MAP3K19: variants seen among roughly 807,000 people sequenced by gnomAD.
The protein encoded by MAP3K19 is SPS1/STE20-related protein kinase YSK4.
A neutral mutation model predicts 114.4 loss-of-function variants in MAP3K19; 91 were observed. The observed-to-expected ratio is 0.80, with a 90% CI of 0.67 to 0.95. The LOEUF is 0.95. MAP3K19 is among the 40% of genes least tolerant of loss of function. The probability of loss-of-function intolerance (pLI) is 0.00; values close to 1 mark genes in which losing one functional copy is unlikely to be tolerated. For missense variants in MAP3K19, 1,471 were observed against 1,573.2 expected (o/e 0.94, Z 1.10); for synonymous variants, 518 against 530.5 (o/e 0.98, Z 0.32).
At position 135,007,832 on chromosome 2, in the gene MAP3K19, G is replaced by A. The variant is rs188826468; in HGVS notation, c.139-2301C>T. Among the ~76,000 whole-genome samples the A allele has an allele frequency of 2.8e-3, 419 of 151,896 alleles. 3 individuals carry two copies. Among genetic ancestry groups the A allele is most frequent in the African/African-American group, 9.6e-3 (399 of 41,434 alleles). The stretch of plus-strand genomic sequence containing the variant: ...CCTCCTTCCTATCAAATCACAAAGG[G>A]GGATTTATTCTTCCTAGAACATACA... On this transcript the variant is annotated intron_variant, in intron 5 of 12. Transcript: ENST00000392915.
At chr2:134,996,935 G>T (rs1351556379) in intron 8 of MAP3K19, among the ~76,000 whole-genome samples, 4 of 152,088 alleles carry the variant, frequency 2.6e-5, no homozygotes, top group African/African-American at 9.7e-5. Flanking sequence ...TGTAGTCCCA[G>T]CTACCCAAGA....
intron 8 of MAP3K19, among the ~76,000 whole-genome samples, chr2:134,996,883 C>G (rs1573978143): frequency 6.6e-6 from 1 of 151,778 alleles, no homozygotes; most frequent in East Asian, 1.9e-4. Context: ...AAAAAACAAA[C>G]AAACAAACAA....
intron 12 of MAP3K19, among the ~76,000 whole-genome samples, chr2:134,974,317 T>A (rs1684083188): frequency 6.6e-6 from 1 of 152,202 alleles, no homozygotes. Flanking sequence ...TTTTAATATA[T>A]TATCTCATTC....
chr2:135,030,458 A>G lies in MAP3K19; in HGVS notation c.-241T>C, dbSNP rs979463756. 4 of 152,756 alleles carry G rather than the reference A, an allele frequency of 2.6e-5. No homozygotes were observed. Among genetic ancestry groups the G allele is most frequent in the African/African-American group, 9.6e-5 (4 of 41,562 alleles). 9.5% of individuals were successfully genotyped at this position (152,756 alleles called of 1,614,324 possible). A position where few individuals can be genotyped will look rare whatever the true frequency, so the allele number is the denominator to read the frequency against. ...ATTGCGGTTCGATTGCTGTAATTGC[A>G]AAGGGTGATATCTACTCACTTTTCC... On this transcript the variant is annotated 5_prime_UTR_variant, in exon 3 of 13. Transcript: ENST00000392915.
Position 134,986,752 on chromosome 2 carries a change from T to C in MAP3K19, c.2120A>G (p.Glu707Gly). Residue 707 changes from glutamate to glycine, a missense_variant, in exon 10 of 13, where the codon GAG becomes GGG. Physicochemically the swap from Glu to Gly is moderately conservative, Grantham distance 98 (BLOSUM62 -2). Coordinates refer to ENST00000392915, the MANE Select transcript of MAP3K19 (RefSeq NM_025052.5). ...ITNKCRSSHS[E>G]RKSNIRTRLS... ...TCTTGTTCTGATATTGCTCTTCCTC[T>C]CACTGTGTGAAGATCGACATTTATT... 1 of 1,614,206 alleles carries C rather than the reference T, an allele frequency of 6.2e-7. No individual in the cohort carries two copies. Among genetic ancestry groups the C allele is most frequent in the Non-Finnish European group, 8.5e-7 (1 of 1,180,026 alleles).
chr2:135,002,781 C>T (rs753818557), intron 6 of MAP3K19, among the ~76,000 whole-genome samples: 1 of 152,014 alleles, frequency 6.6e-6, no homozygotes, highest in African/African-American at 2.4e-5. Context: ...ATAGTGGGAG[C>T]GGCTCTCTGG....
chr2:135,045,467 A>G (rs1688724429), intron 1 of MAP3K19, among the ~76,000 whole-genome samples: 1 of 152,150 alleles, frequency 6.6e-6, no homozygotes, highest in East Asian at 1.9e-4. Flanking sequence ...TTTCAGGGGG[A>G]AAAAAGGTTT....
intron 2 of MAP3K19, among the ~76,000 whole-genome samples, chr2:135,033,303 C>T (rs1688434739): frequency 8.1e-6 from 1 of 123,992 alleles, no homozygotes; most frequent in South Asian, 3.0e-4. Flanking sequence ...CTCCTCACCT[C>T]CCAGTAGGAG....
intron 5 of MAP3K19, among the ~76,000 whole-genome samples, chr2:135,021,500 G>A (rs1687974891): frequency 6.6e-6 from 1 of 151,408 alleles, no homozygotes; most frequent in Non-Finnish European, 1.5e-5. Flanking sequence ...ACACACACGT[G>A]TACACACACA....
chr2:135,035,140 T>C (rs544930531), intron 2 of MAP3K19, among the ~76,000 whole-genome samples: 13 of 151,946 alleles, frequency 8.6e-5, no homozygotes, highest in African/African-American at 3.1e-4. Flanking sequence ...CTCACACCTG[T>C]AATCCCAGCA....
At chr2:134,983,580 A>G (rs1169342816) in intron 11 of MAP3K19, 96 bp downstream of exon 11, 5 of 806,762 alleles carry the variant, frequency 6.2e-6, no homozygotes, top group Non-Finnish European at 9.4e-6. Context: ...TGCTTGCCAG[A>G]GGAAGCAGGG....
intron 8 of MAP3K19, among the ~76,000 whole-genome samples, chr2:134,995,066 C>T (rs1685879729): frequency 1.3e-5 from 2 of 152,170 alleles, no homozygotes; most frequent in Admixed American, 1.3e-4. Flanking sequence ...AATCCCAACA[C>T]TTTGGGAAGC....
intron 10 of MAP3K19, among the ~76,000 whole-genome samples, chr2:134,984,928 G>A (rs950649250): frequency 1.3e-5 from 2 of 152,128 alleles, no homozygotes; most frequent in African/African-American, 4.8e-5. Flanking sequence ...CTCCAGCCTG[G>A]GCAATAGAGC....
chr2:135,045,301 C>T (rs1688721519), intron 1 of MAP3K19, among the ~76,000 whole-genome samples: 2 of 152,140 alleles, frequency 1.3e-5, no homozygotes, highest in African/African-American at 4.8e-5. Flanking sequence ...AAGCAGTGTA[C>T]TTGGAACCTT....
intron 5 of MAP3K19, among the ~76,000 whole-genome samples, chr2:135,014,303 G>A (rs1264153724): frequency 2.6e-5 from 4 of 152,112 alleles, no homozygotes; most frequent in African/African-American, 9.7e-5. Flanking sequence ...GCAGTAAGCT[G>A]TGATCATGCC....
rs949908454 is a variant in MAP3K19 at position 134,987,588 on chromosome 2, C to T, written c.1284G>A (p.Met428Ile). 1.1e-5 allele frequency: 18 copies of T among 1,614,028 alleles called. No individual in the cohort carries two copies. Among genetic ancestry groups the T allele is most frequent in the Non-Finnish European group, 1.4e-5 (17 of 1,179,972 alleles). ...KRVSLHKNEA[M>I]EPNNILEECT... ...ACTCTTCTAAAATATTGTTTGGTTC[C>T]ATTGCTTCATTTTTATGTAATGAAA... Residue 428 changes from methionine (M) to isoleucine (I), a missense_variant, in exon 10 of 13, where the codon ATG (methionine) becomes ATA (isoleucine). Transcript: ENST00000392915.
intron 5 of MAP3K19, among the ~76,000 whole-genome samples, chr2:135,012,986 C>T (rs963413705): frequency 2.0e-5 from 3 of 152,046 alleles, no homozygotes; most frequent in Non-Finnish European, 4.4e-5. Context: ...TTTGAATAGA[C>T]TTTATTTTTA....
At position 135,029,016 on chromosome 2, in the gene MAP3K19, T is replaced by C. The variant is rs139695470; in HGVS notation, c.-95+1296A>G. Among the ~76,000 whole-genome samples, 455 of 152,346 alleles carry C rather than the reference T, an allele frequency of 3.0e-3. 3 individuals carry two copies. Among genetic ancestry groups the C allele is most frequent in the African/African-American group, 0.01 (423 of 41,578 alleles). On this transcript the variant is annotated intron_variant, in intron 3 of 12. Coordinates refer to ENST00000392915, the MANE Select transcript of MAP3K19 (RefSeq NM_025052.5). ...TCTGTTGATCAAGGTATAGATCCAG[T>C]TACAGGTACCAGTTTCTTAAAACTT... is the stretch of plus-strand genomic sequence containing the variant.
At chr2:135,037,243 C>T (rs1688551104) in intron 2 of MAP3K19, among the ~76,000 whole-genome samples, 1 of 152,234 alleles carries the variant, frequency 6.6e-6, no homozygotes, top group Non-Finnish European at 1.5e-5. Context: ...GGTGATCCAC[C>T]TGCCTCGGCC....
Sources: gnomAD v4.1 joint callset for allele counts (sites outside exome capture counted in the v4.1 genomes callset) on GRCh38, gnomAD v4.1.1 for gene constraint, MANE v1.5 for transcripts, NCBI Gene and HGNC (gene_info 2026-07-23, HGNC 2026-07-21) for gene names.